EYA1: variants seen among roughly 807,000 people sequenced by gnomAD.
EYA1 encodes protein phosphatase EYA1.
Under a neutral mutation model 82.0 loss-of-function variants are expected in EYA1, and 16 were observed. The observed-to-expected ratio is 0.20, with a 90% CI of 0.13 to 0.30. The LOEUF is 0.30. Ranked by LOEUF, EYA1 falls within the 10% of genes least tolerant of loss-of-function variation. EYA1 has a pLI of 1.00. For synonymous variants in EYA1, 261 were observed against 264.4 expected (o/e 0.99, Z 0.12); for missense variants, 633 against 730.7 (o/e 0.87, Z 1.54).
chr8:71,424,196 G>A (rs1831297015), intron 2 of EYA1, among the ~76,000 whole-genome samples: 1 of 151,878 alleles, frequency 6.6e-6, no homozygotes, highest in South Asian at 2.1e-4. Context: ...TATTGCCAAG[G>A]GAATATATTT....
At chr8:71,381,737 C>T (rs1469496322) in intron 2 of EYA1, among the ~76,000 whole-genome samples, 3 of 152,200 alleles carry the variant, frequency 2.0e-5, no homozygotes, top group African/African-American at 7.2e-5. Flanking sequence ...CTTTCTTGTC[C>T]TCTTAGAGGG....
intron 3 of EYA1, among the ~76,000 whole-genome samples, chr8:71,354,065 A>T (rs1826589638): frequency 6.6e-6 from 1 of 152,156 alleles, no homozygotes; most frequent in Non-Finnish European, 1.5e-5. Flanking sequence ...GCAAAAATAC[A>T]TATAACCTTA....
intron 2 of EYA1, among the ~76,000 whole-genome samples, chr8:71,448,025 T>TTTTTTTTTTTTTTTTTGGTAACGGAG (rs935912194): frequency 5.1e-5 from 6 of 116,736 alleles, no homozygotes; most frequent in East Asian, 3.3e-4. Flanking sequence ...TTTTTTTTTT[T>TTTTTTTTTTTTTTTTTGGTAACGGAG]TCTCGCTCCG....
At chr8:71,485,220 C>T (rs555342769) in intron 2 of EYA1, among the ~76,000 whole-genome samples, 3 of 152,214 alleles carry the variant, frequency 2.0e-5, no homozygotes, top group Non-Finnish European at 4.4e-5. Context: ...AGATGTTTTC[C>T]TTTGACCAAA....
rs544649707 is a variant in EYA1 at position 71,210,072 on chromosome 8, T to C, written c.1698+1084A>G. Among the ~76,000 whole-genome samples, 3 of 152,288 alleles carry C rather than the reference T, an allele frequency of 2.0e-5. No homozygotes were observed. The South Asian group carries it at 6.2e-4, about 32-fold the overall frequency. ...AGCCCAATGAGCTAAGTGCTATTAC[T>C]ATCCCCATTTATAGACAAGGAAAGG... On this transcript the variant is annotated intron_variant, in intron 17 of 17. Transcript: ENST00000340726.
intron 1 of EYA1, 93 bp downstream of exon 1, chr8:71,361,554 C>T: frequency 1.7e-6 from 1 of 590,206 alleles, no homozygotes; most frequent in South Asian, 7.4e-5. Context: ...CAAATCAAAA[C>T]AATAATAAAA....
At chr8:71,394,777 T>C (rs1829489320) in intron 2 of EYA1, among the ~76,000 whole-genome samples, 1 of 152,174 alleles carries the variant, frequency 6.6e-6, no homozygotes. Flanking sequence ...CAATGAGGGC[T>C]CTTTTTTGGA....
rs184568923 is a variant in EYA1, at chr8:71,402,056, C to T, written c.34-45545G>A. On this transcript the variant is annotated intron_variant, in intron 2 of 18. Transcript: ENST00000643681. ...TGTCTGGTACAAGTAAAGGTCTCTT[C>T]CCACCCTCAGGAACTTGAGTTATTC... is the stretch of plus-strand genomic sequence containing the variant. Among the ~76,000 whole-genome samples the T allele has an allele frequency of 6.4e-3, 969 of 152,294 alleles. 8 individuals carry two copies. Among genetic ancestry groups the T allele is most frequent in the Admixed American group, 8.2e-3 (126 of 15,298 alleles).
chr8:71,330,119 AGAT>A (rs1481440601), intron 4 of EYA1, among the ~76,000 whole-genome samples: 2 of 152,196 alleles, frequency 1.3e-5, no homozygotes, highest in African/African-American at 2.4e-5. Flanking sequence ...TCTCTGAGGC[AGAT>A]GATGATAGGG....
intron 2 of EYA1, among the ~76,000 whole-genome samples, chr8:71,391,822 G>T (rs1829295180): frequency 6.6e-6 from 1 of 152,108 alleles, no homozygotes; most frequent in Non-Finnish European, 1.5e-5. Context: ...TGTTCTTTTT[G>T]TCTGTTCCTT....
intron 12 of EYA1, among the ~76,000 whole-genome samples, chr8:71,234,805 C>G (rs1811636865): frequency 6.6e-6 from 1 of 152,056 alleles, no homozygotes; most frequent in Non-Finnish European, 1.5e-5. Context: ...TTCTGAGATC[C>G]AAACCTGTAT....
chr8:71,530,562 G>A (rs892859651), intron 2 of EYA1, among the ~76,000 whole-genome samples: 4 of 152,056 alleles, frequency 2.6e-5, no homozygotes, highest in Non-Finnish European at 2.9e-5. Context: ...TCTCACTTGG[G>A]GTGAAGCTGA....
At chr8:71,481,085 AG>A (rs1810112889) in intron 2 of EYA1, among the ~76,000 whole-genome samples, 1 of 152,192 alleles carries the variant, frequency 6.6e-6, no homozygotes, top group African/African-American at 2.4e-5. Flanking sequence ...CAAGGCATTA[AG>A]CATATATTTT....
At chr8:71,306,844 C>T (rs530153744) in intron 7 of EYA1, among the ~76,000 whole-genome samples, 13 of 152,264 alleles carry the variant, frequency 8.5e-5, no homozygotes, top group African/African-American at 3.1e-4. Context: ...AGCAAGTCTC[C>T]CTTAGTCTTG....
chr8:71,419,007 G>A (rs1380502525), intron 2 of EYA1, among the ~76,000 whole-genome samples: 1 of 152,184 alleles, frequency 6.6e-6, no homozygotes, highest in Non-Finnish European at 1.5e-5. Flanking sequence ...TGTTGCTGGA[G>A]CAACTTAACC....
chr8:71,453,287 C>T lies in EYA1; in HGVS notation c.33+82457G>A, dbSNP rs568752750. ...AGACTATGTGAAAACACCAACTCTA[C>T]GTCTAATTGGTGAGCCTGATAGTGA... On this transcript the variant is annotated intron_variant, in intron 2 of 18. Transcript: ENST00000643681. 1.8e-4 allele frequency among the ~76,000 whole-genome samples: 27 copies of T among 152,300 alleles called. No homozygotes were observed. The South Asian group carries it at 4.8e-3, about 27-fold the overall frequency.
At chr8:71,482,635 CA>C (rs766572627) in intron 2 of EYA1, among the ~76,000 whole-genome samples, 3 of 152,076 alleles carry the variant, frequency 2.0e-5, no homozygotes, top group Non-Finnish European at 4.4e-5. Context: ...ATGAAATCAT[CA>C]AATGTTCAGC....
intron 17 of EYA1, among the ~76,000 whole-genome samples, chr8:71,204,865 G>A (rs1807550302): frequency 6.6e-6 from 1 of 152,112 alleles, no homozygotes; most frequent in Non-Finnish European, 1.5e-5. Context: ...TTGCCCTCTA[G>A]ACATAAGTAT....
intron 4 of EYA1, among the ~76,000 whole-genome samples, chr8:71,330,903 C>T (rs1328542946): frequency 1.3e-5 from 2 of 151,596 alleles, no homozygotes; most frequent in Admixed American, 6.6e-5. Flanking sequence ...ACCTCACATT[C>T]TGTTGGAGTT....
Sources: allele counts gnomAD v4.1 joint callset (sites outside exome capture counted in the v4.1 genomes callset), GRCh38; gene constraint gnomAD v4.1.1; transcripts MANE v1.5; gene names NCBI Gene and HGNC (gene_info 2026-07-23, HGNC 2026-07-21).